KAZN: variants seen among roughly 807,000 people sequenced by gnomAD.
KAZN encodes kazrin, periplakin interacting protein.
KAZN carries 40 observed loss-of-function variants against 87.4 expected under a neutral mutation model. The ratio of observed to expected loss-of-function variants is 0.46; its 90% confidence interval spans 0.36 to 0.60. The LOEUF (loss-of-function observed/expected upper bound fraction) is 0.60. KAZN is among the 20% of genes least tolerant of loss of function. The pLI is 0.00. For synonymous variants in KAZN, 466 were observed against 458.3 expected (o/e 1.02, Z -0.22); for missense variants, 898 against 1,073.9 (o/e 0.84, Z 2.29).
chr1:14,924,376 C>G (rs1403086079), intron 1 of KAZN: 3 of 989,150 alleles, frequency 3.0e-6, no homozygotes, highest in Non-Finnish European at 3.6e-6. Flanking sequence ...TGCGGGCGGC[C>G]GACTCGGGCT....
intron 2 of KAZN, among the ~76,000 whole-genome samples, chr1:14,339,900 G>C (rs948035855): frequency 1.3e-5 from 2 of 152,138 alleles, no homozygotes; most frequent in African/African-American, 4.8e-5. Flanking sequence ...TTATCCTTAA[G>C]GGCTTAACTT....
chr1:14,073,491 G>C (rs1643324967), intron 1 of KAZN, among the ~76,000 whole-genome samples: 1 of 152,042 alleles, frequency 6.6e-6, no homozygotes, highest in Non-Finnish European at 1.5e-5. Flanking sequence ...ATGGTGGTTT[G>C]CTGCACCTAT....
intron 1 of KAZN, among the ~76,000 whole-genome samples, chr1:14,871,147 C>T (rs879823397): frequency 6.6e-6 from 1 of 152,216 alleles, no homozygotes; most frequent in Non-Finnish European, 1.5e-5. Context: ...CCCTCCACCA[C>T]CACACGGCAC....
intron 1 of KAZN, among the ~76,000 whole-genome samples, chr1:13,953,414 G>A (rs1330739097): frequency 6.6e-6 from 1 of 152,188 alleles, no homozygotes; most frequent in Admixed American, 6.5e-5. Flanking sequence ...TGAACTGAGT[G>A]AGTTCCATGT....
At chr1:14,575,388 T>C (rs1675117390) in intron 2 of KAZN, among the ~76,000 whole-genome samples, 1 of 152,034 alleles carries the variant, frequency 6.6e-6, no homozygotes, top group Non-Finnish European at 1.5e-5. Context: ...CAAGAGAGAA[T>C]GAGAGCCAAG....
At chr1:14,848,474 G>A (rs915187249) in intron 1 of KAZN, among the ~76,000 whole-genome samples, 3 of 152,204 alleles carry the variant, frequency 2.0e-5, no homozygotes, top group African/African-American at 7.2e-5. Context: ...AAGTGGGGAG[G>A]AAGTCAGAAA....
At chr1:14,791,721 C>T (rs1401625220) in intron 1 of KAZN, among the ~76,000 whole-genome samples, 1 of 152,210 alleles carries the variant, frequency 6.6e-6, no homozygotes, top group African/African-American at 2.4e-5. Flanking sequence ...GGCGAGCTTC[C>T]GGAACATCCT....
At chr1:14,318,567 G>A (rs771747543) in intron 2 of KAZN, among the ~76,000 whole-genome samples, 7 of 151,946 alleles carry the variant, frequency 4.6e-5, no homozygotes, top group Admixed American at 1.3e-4. Flanking sequence ...GATTCCTTGA[G>A]TTTCTTAGAC....
intron 2 of KAZN, among the ~76,000 whole-genome samples, chr1:14,581,968 T>C (rs684975): frequency 0.91 from 139,087 of 152,010 alleles, 64,945 homozygotes; most frequent in East Asian, 1. Flanking sequence ...TACTTACATT[T>C]GTATGTAGGC....
At chr1:14,620,949 G>A (rs528623504) in intron 1 of KAZN, among the ~76,000 whole-genome samples, 2 of 152,238 alleles carry the variant, frequency 1.3e-5, no homozygotes, top group South Asian at 4.2e-4. Context: ...TGGGATAGAT[G>A]GTCCTCATCA....
At chr1:13,982,412 A>G (rs571963303) in intron 1 of KAZN, among the ~76,000 whole-genome samples, 1 of 152,354 alleles carries the variant, frequency 6.6e-6, no homozygotes, top group African/African-American at 2.4e-5. Flanking sequence ...TAGCTGGCTC[A>G]GGAGTGAAGC....
chr1:13,986,235 T>G (rs1035321025), intron 1 of KAZN, among the ~76,000 whole-genome samples: 2 of 152,240 alleles, frequency 1.3e-5, no homozygotes, highest in African/African-American at 2.4e-5. Flanking sequence ...ATGATAAAAC[T>G]GTAAATATGA....
chr1:14,269,421 T>A (rs539714003), intron 2 of KAZN, among the ~76,000 whole-genome samples: 1 of 152,262 alleles, frequency 6.6e-6, no homozygotes, highest in East Asian at 1.9e-4. Flanking sequence ...ATCTTAATAT[T>A]TTTCAAAGAA....
chr1:14,130,173 G>A (rs531015418), intron 1 of KAZN, among the ~76,000 whole-genome samples: 5 of 152,240 alleles, frequency 3.3e-5, no homozygotes, highest in East Asian at 1.9e-4. Flanking sequence ...AAGGGCTATC[G>A]CCTCTCTCCT....
chr1:14,785,108 T>C (rs1223443776), intron 1 of KAZN, among the ~76,000 whole-genome samples: 1 of 152,070 alleles, frequency 6.6e-6, no homozygotes, highest in Non-Finnish European at 1.5e-5. Flanking sequence ...TAAGATTCAT[T>C]TGGCTGCAAG....
At chr1:14,205,904 A>AAAAAAAAAAAAAAAAAAAAC in intron 2 of KAZN, among the ~76,000 whole-genome samples, 1 of 49,352 alleles carries the variant, frequency 2.0e-5, no homozygotes, top group Non-Finnish European at 3.5e-5. Flanking sequence ...AAAAAAAAAA[A>AAAAAAAAAAAAAAAAAAAAC]AAGCTACCTA....
At chr1:15,048,683 T>TCCTGGGTCGTTGATCCTTGGTCGTC (rs1673897491) in intron 4 of KAZN, among the ~76,000 whole-genome samples, 1 of 135,258 alleles carries the variant, frequency 7.4e-6, no homozygotes, top group Non-Finnish European at 1.5e-5. Flanking sequence ...CCTGGGTCGT[T>TCCTGGGTCGTTGATCCTTGGTCGTC]GGTCCTGGGT....
At chr1:14,876,437 G>A (rs1037525191) in intron 1 of KAZN, among the ~76,000 whole-genome samples, 14 of 152,206 alleles carry the variant, frequency 9.2e-5, no homozygotes, top group Admixed American at 7.9e-4. Flanking sequence ...AGATGCTTGG[G>A]AGGACACACC....
At chr1:14,156,235 A>T (rs868197082) in intron 1 of KAZN, among the ~76,000 whole-genome samples, 1 of 152,116 alleles carries the variant, frequency 6.6e-6, no homozygotes, top group Admixed American at 6.5e-5. Context: ...GAATGTTTTA[A>T]GATTTGTTTT....
Sources: gnomAD v4.1 joint callset for allele counts (sites outside exome capture counted in the v4.1 genomes callset) on GRCh38, gnomAD v4.1.1 for gene constraint, MANE v1.5 for transcripts, NCBI Gene and HGNC (gene_info 2026-07-23, HGNC 2026-07-21) for gene names.